Variants in PNLDC1 observed in about 807,000 individuals in gnomAD.
PNLDC1 encodes poly(A)-specific ribonuclease PNLDC1.
A neutral mutation model predicts 82.0 loss-of-function variants in PNLDC1; 70 were observed. That is an observed-to-expected ratio of 0.85 (90% confidence interval 0.70 to 1.04). The LOEUF is 1.04. PNLDC1 is among the 50% of genes least tolerant of loss of function. PNLDC1 has a pLI of 0.00. For missense variants in PNLDC1, 631 were observed against 661.1 expected (o/e 0.95, Z 0.50); for synonymous variants, 280 against 249.3 (o/e 1.12, Z -1.16).
In PNLDC1 at chr6:159,800,427, G is replaced by T. The variant is rs1241757164; in HGVS notation, c.76+44G>T. 6.5e-6 allele frequency: 10 copies of T among 1,531,424 alleles called. No individual in the cohort carries two copies. In the African/African-American group the frequency reaches 1.1e-4, roughly 17 times the overall value. The allele number at this position is 1,531,424 out of a possible 1,614,324, so 94.9% of individuals were successfully genotyped here. On this transcript the variant is annotated intron_variant, in intron 1 of 18. Coordinates refer to ENST00000392167, the MANE Select transcript of PNLDC1 (RefSeq NM_001271862.2). ...GCGGCTGTGCCGGACAGAGCCCCTT[G>T]CCCCGGGCGAGCTTGAGGAGGGGGT... is the stretch of plus-strand genomic sequence containing the variant.
chr6:159,801,867 A>G (rs1261752760), intron 3 of PNLDC1, among the ~76,000 whole-genome samples: 3 of 151,324 alleles, frequency 2.0e-5, no homozygotes, highest in Non-Finnish European at 4.4e-5. Context: ...ATCGGTTCAT[A>G]CAGATCTATT....
intron 13 of PNLDC1, 87 bp downstream of exon 13, chr6:159,816,120 A>ACACCCCTCCCCCCCCACCCGCCC: frequency 1.4e-6 from 1 of 706,722 alleles, no homozygotes; most frequent in South Asian, 2.7e-5. Flanking sequence ...TGGTTCCCCC[A>ACACCCCTCCCCCCCCACCCGCCC]CACCCCTCCC....
At chr6:159,811,237 C>T (rs1458105439) in intron 10 of PNLDC1, among the ~76,000 whole-genome samples, 1 of 152,146 alleles carries the variant, frequency 6.6e-6, no homozygotes, top group East Asian at 1.9e-4. Flanking sequence ...TGCAATAAAC[C>T]TCTTTAGGTG....
In PNLDC1 at chr6:159,805,983, C is replaced by T. The variant is rs369401744; in HGVS notation, c.462C>T (p.Ser154=). 1.1e-5 allele frequency: 17 copies of T among 1,613,502 alleles called. No homozygotes were observed. The African/African-American group carries it at 1.5e-4, about 14-fold the overall frequency. ...DILTGNWRVR[S]SPDKDQIKVV... ...TTCACTTTCATGCGCCCATTTTCAGCTCTCCGGATAAAGACCAAATCAAGG... is the reference window on the plus strand; with the variant it reads ...TTCACTTTCATGCGCCCATTTTCAGTTCTCCGGATAAAGACCAAATCAAGG... The change falls in exon 7 of 19, where the codon AGC becomes AGT. Residue 154 remains serine, a splice_region_variant and synonymous_variant. Coordinates refer to ENST00000392167, the MANE Select transcript of PNLDC1 (RefSeq NM_001271862.2).
chr6:159,803,464 G>A lies in PNLDC1; in HGVS notation c.248+154G>A, dbSNP rs149650591. 40 of 655,434 alleles carry A rather than the reference G, an allele frequency of 6.1e-5. No homozygotes were observed. In the Admixed American group the frequency reaches 9.8e-4, roughly 16 times the overall value. 40.6% of individuals were successfully genotyped at this position (655,434 alleles called of 1,614,324 possible). A position where few individuals can be genotyped will look rare whatever the true frequency, so the allele number is the denominator to read the frequency against. On this transcript the variant is annotated intron_variant, in intron 4 of 18. Transcript: ENST00000392167. The stretch of plus-strand genomic sequence containing the variant: ...TTCCTCCACTCACTCTGCCCTCTGC[G>A]GATTCCAGCTTGTCTTTGATGTCTC...
Position 159,804,083 on chromosome 6 carries a change from A to C in PNLDC1, c.367A>C (p.Asn123His). The C allele has an allele frequency of 6.2e-7, 1 of 1,613,258 alleles. No individual in the cohort carries two copies. Among genetic ancestry groups the C allele is most frequent in the Non-Finnish European group, 8.5e-7 (1 of 1,179,828 alleles). ...TTTGAATCAGTATGGCTTCAACTATAACAAGGTATGGCATTGGAGGAGGGG... is the reference window on the plus strand; with the variant it reads ...TTTGAATCAGTATGGCTTCAACTATCACAAGGTATGGCATTGGAGGAGGGG... ...QFLNQYGFNY[N>H]KFLKNGIPYM... Residue 123 changes from asparagine (N) to histidine (H), a missense_variant, in exon 5 of 19, where the codon AAC (asparagine) becomes CAC (histidine). Transcript: ENST00000392167.
rs1781961145 is a variant in PNLDC1 at position 159,819,406 on chromosome 6, GT to G, written c.1532+55del. Reference sequence around the variant, plus strand: ...GTCCTGGGGTCCTGGAGTGCCCGGGGTCCCAGCATCCCAGCATGGTCTGACT... The same window carrying G: ...GTCCTGGGGTCCTGGAGTGCCCGGGGCCCAGCATCCCAGCATGGTCTGACT... On this transcript the variant is annotated intron_variant, in intron 18 of 18. Transcript: ENST00000392167. This position sits in a 1 kb window ranked among gnomAD's most constrained non-coding sequence, Gnocchi z 4.6. 5.8e-5 allele frequency: 87 copies of G among 1,494,042 alleles called. No homozygotes were observed. The highest frequency in any genetic ancestry group is 8.0e-5 in the Non-Finnish European group (87 of 1,085,706). The allele number at this position is 1,494,042 out of a possible 1,614,324, so 92.5% of individuals were successfully genotyped here.
chr6:159,818,792 T>A, intron 16 of PNLDC1, 138 bp downstream of exon 16: 1 of 1,207,348 alleles, frequency 8.3e-7, no homozygotes. Flanking sequence ...TTTCCTCTCA[T>A]GTTTCTCCAC....
chr6:159,810,582 T>G (rs944757842), intron 10 of PNLDC1, among the ~76,000 whole-genome samples: 1 of 152,222 alleles, frequency 6.6e-6, no homozygotes, highest in African/African-American at 2.4e-5. Flanking sequence ...TCATGGTTGA[T>G]TCCATTATTG....
At chr6:159,815,512 C>T (rs1454807028) in intron 12 of PNLDC1, among the ~76,000 whole-genome samples, 3 of 152,202 alleles carry the variant, frequency 2.0e-5, no homozygotes, top group South Asian at 2.1e-4. Context: ...AAATGCCTGC[C>T]GTCTCCCCAT....
chr6:159,819,634 C>G lies in PNLDC1; in HGVS notation c.1532+282C>G, dbSNP rs1781969325. Among the ~76,000 whole-genome samples, 1 of 152,172 alleles carries G rather than the reference C, an allele frequency of 6.6e-6. No homozygotes were observed. Among genetic ancestry groups the G allele is most frequent in the South Asian group, 2.1e-4 (1 of 4,832 alleles). ...TGCTGGGGGAGACAAACAGGATAAA[C>G]AAATGGACCCTATAATGTGTTGGGT... On this transcript the variant is annotated intron_variant, in intron 18 of 18. Transcript: ENST00000392167. The surrounding 1 kb of genome is among the most constrained non-coding windows in gnomAD (Gnocchi z 4.6).
At chr6:159,800,741 C>T (rs140968331) in intron 1 of PNLDC1, 31 bp from the exon 2 acceptor site, 149 of 1,614,168 alleles carry the variant, frequency 9.2e-5, no homozygotes, top group Non-Finnish European at 8.0e-5. Context: ...GTTCTGCACC[C>T]GAGGACTGCT....
chr6:159,818,263 G>A (rs922972580), intron 15 of PNLDC1, among the ~76,000 whole-genome samples: 3 of 152,166 alleles, frequency 2.0e-5, no homozygotes, highest in African/African-American at 4.8e-5. Flanking sequence ...TAGTGGCCTC[G>A]CACTGATTCT....
chr6:159,819,404 G>A lies in PNLDC1; in HGVS notation c.1532+52G>A, dbSNP rs1037961925. 8.6e-6 allele frequency: 13 copies of A among 1,513,798 alleles called. No individual in the cohort carries two copies. Among genetic ancestry groups the A allele is most frequent in the Admixed American group, 5.3e-5 (3 of 57,030 alleles). 93.8% of individuals were successfully genotyped at this position (1,513,798 alleles called of 1,614,324 possible). ...CTGTCCTGGGGTCCTGGAGTGCCCG[G>A]GGTCCCAGCATCCCAGCATGGTCTG... On this transcript the variant is annotated intron_variant, in intron 18 of 18. Coordinates refer to ENST00000392167, the MANE Select transcript of PNLDC1 (RefSeq NM_001271862.2). The surrounding 1 kb of genome is among the most constrained non-coding windows in gnomAD (Gnocchi z 4.6).
chr6:159,808,852 C>T, intron 8 of PNLDC1, 36 bp downstream of exon 8: 1 of 1,609,610 alleles, frequency 6.2e-7, no homozygotes, highest in South Asian at 1.1e-5. Context: ...TCAGTGGCTC[C>T]ATTGTTTCTC....
chr6:159,801,964 C>G (rs1341962237), intron 3 of PNLDC1, among the ~76,000 whole-genome samples: 4 of 151,814 alleles, frequency 2.6e-5, no homozygotes, highest in Admixed American at 2.6e-4. Flanking sequence ...GTGGGCTCAC[C>G]GCAACCTCCA....
intron 13 of PNLDC1, 56 bp from the exon 14 acceptor site, chr6:159,816,487 G>T: frequency 6.7e-7 from 1 of 1,499,250 alleles, no homozygotes; most frequent in Non-Finnish European, 9.3e-7. Flanking sequence ...AGCTAGGATG[G>T]GGCGTGTTTC....
chr6:159,812,350 CTTAT>C (rs1781674197), intron 11 of PNLDC1, among the ~76,000 whole-genome samples: 1 of 152,082 alleles, frequency 6.6e-6, no homozygotes, highest in Non-Finnish European at 1.5e-5. Flanking sequence ...CACATTTTGA[CTTAT>C]TTGTGTAGAG....
In PNLDC1 at chr6:159,805,975, A is replaced by T; in HGVS notation, c.462-8A>T. The stretch of plus-strand genomic sequence containing the variant: ...CTGACATGTTCACTTTCATGCGCCC[A>T]TTTTCAGCTCTCCGGATAAAGACCA... On this transcript the variant is annotated splice_region_variant and splice_polypyrimidine_tract_variant and intron_variant, in intron 6 of 18. Transcript: ENST00000392167. The T allele has an allele frequency of 6.2e-7, 1 of 1,612,182 alleles. No individual in the cohort carries two copies.
Sources: allele counts gnomAD v4.1 joint callset (sites outside exome capture counted in the v4.1 genomes callset), GRCh38; gene constraint gnomAD v4.1.1; non-coding constraint Gnocchi (gnomAD v3.1); transcripts MANE v1.5; gene names NCBI Gene and HGNC (gene_info 2026-07-23, HGNC 2026-07-21).